Variants in SPPL2A observed in about 807,000 individuals in gnomAD.
The protein encoded by SPPL2A is signal peptide peptidase-like 2A.
Under a neutral mutation model 63.8 loss-of-function variants are expected in SPPL2A, and 51 were observed. The observed-to-expected ratio is 0.80, with a 90% confidence interval of 0.64 to 1.01. The LOEUF is 1.01. Ranked by LOEUF, SPPL2A falls within the 50% of genes least tolerant of loss-of-function variation. The probability of loss-of-function intolerance (pLI) is 0.00; values close to 1 mark genes in which losing one functional copy is unlikely to be tolerated. For missense variants in SPPL2A, 553 were observed against 622.7 expected (o/e 0.89, Z 1.19); for synonymous variants, 188 against 205.8 (o/e 0.91, Z 0.74).
chr15:50,740,660 G>A (rs1336007072), intron 5 of SPPL2A, among the ~76,000 whole-genome samples: 1 of 151,912 alleles, frequency 6.6e-6, no homozygotes, highest in Non-Finnish European at 1.5e-5. Flanking sequence ...GCCGAGGCTG[G>A]AGTGCAGTGG....
intron 1 of SPPL2A, among the ~76,000 whole-genome samples, chr15:50,761,002 T>TTGTG (rs34019001): frequency 1.7e-4 from 25 of 150,226 alleles, no homozygotes; most frequent in South Asian, 4.2e-4. Context: ...ATTTTTTCAT[T>TTGTG]TGTGTGTGTG....
At chr15:50,735,385 CTCTCTT>C (rs1468986347) in intron 8 of SPPL2A, among the ~76,000 whole-genome samples, 1 of 152,036 alleles carries the variant, frequency 6.6e-6, no homozygotes, top group African/African-American at 2.4e-5. Context: ...TGCACTCTCT[CTCTCTT>C]TCTCTCTCTC....
Position 50,706,844 on chromosome 15 carries a change from TCA to T in SPPL2A, c.*954_*955del, listed in dbSNP as rs2062513178. On this transcript the variant is annotated 3_prime_UTR_variant, in exon 15 of 15. Coordinates refer to ENST00000261854, the MANE Select transcript of SPPL2A (RefSeq NM_032802.4). ...CTGTCAAACCAATGAAAACTAGATT[TCA>T]GTGTCTGTCTCCTTTTAGTGACTAG... is the stretch of plus-strand genomic sequence containing the variant. 1 of 151,800 alleles carries T rather than the reference TCA, an allele frequency of 6.6e-6. No homozygotes were observed. Among genetic ancestry groups the T allele is most frequent in the Non-Finnish European group, 1.5e-5 (1 of 67,906 alleles). 9.4% of individuals were successfully genotyped at this position (151,800 alleles called of 1,614,324 possible). A position where few individuals can be genotyped will look rare whatever the true frequency, so the allele number is the denominator to read the frequency against.
chr15:50,710,467 AC>A (rs1409052202), intron 14 of SPPL2A, among the ~76,000 whole-genome samples: 1 of 152,218 alleles, frequency 6.6e-6, no homozygotes, highest in Admixed American at 6.5e-5. Context: ...TCCAATAAAA[AC>A]AATACAGAAA....
intron 10 of SPPL2A, among the ~76,000 whole-genome samples, chr15:50,729,637 C>A (rs11635800): frequency 0.029 from 4,314 of 150,480 alleles, 77 homozygotes; most frequent in Middle Eastern, 0.1. Context: ...GAGGAAAAAA[C>A]CAAAAAAAAG....
intron 1 of SPPL2A, among the ~76,000 whole-genome samples, chr15:50,764,075 A>G (rs1386225226): frequency 6.6e-6 from 1 of 152,200 alleles, no homozygotes; most frequent in Non-Finnish European, 1.5e-5. Flanking sequence ...AAGAATTTCA[A>G]TGTGAGTTTA....
chr15:50,712,683 T>A (rs1408411828), intron 14 of SPPL2A, among the ~76,000 whole-genome samples: 1 of 123,298 alleles, frequency 8.1e-6, no homozygotes, highest in Non-Finnish European at 1.7e-5. Flanking sequence ...CCCCCCCTTT[T>A]TTTTTTTTTT....
Position 50,703,398 on chromosome 15 carries a change from T to C in SPPL2A, c.*4402A>G, listed in dbSNP as rs2062490967. The C allele has an allele frequency of 7.5e-6, 1 of 133,652 alleles. No homozygotes were observed. The highest frequency in any genetic ancestry group is 2.5e-4 in the South Asian group (1 of 3,926). 8.3% of individuals were successfully genotyped at this position (133,652 alleles called of 1,614,324 possible). A position where few individuals can be genotyped will look rare whatever the true frequency, so the allele number is the denominator to read the frequency against. ...TTTTTTTTGAGATGGAGTCTCGCTC[T>C]GTCGCCCAGGCTGGAGTGCAGTGGT... On this transcript the variant is annotated 3_prime_UTR_variant, in exon 15 of 15. Coordinates refer to ENST00000261854, the MANE Select transcript of SPPL2A (RefSeq NM_032802.4).
intron 14 of SPPL2A, among the ~76,000 whole-genome samples, chr15:50,713,516 C>T (rs2062576489): frequency 6.6e-6 from 1 of 151,862 alleles, no homozygotes; most frequent in Non-Finnish European, 1.5e-5. Flanking sequence ...CCACCCACCT[C>T]AGCCTCCCAA....
At position 50,725,246 on chromosome 15, in the gene SPPL2A, CA is replaced by C. The variant is rs2062676586; in HGVS notation, c.1223del (p.Leu408TrpfsTer12). ...CTGGTACAATAATGTCTCCAAAACCCAATATTGAAACAGGCATGAGGCACAC... is the reference window on the plus strand; with the variant it reads ...CTGGTACAATAATGTCTCCAAAACCCATATTGAAACAGGCATGAGGCACAC... ...MSVCLMPVSI[L>X]GFGDIIVPGL... On this transcript the variant is annotated frameshift_variant, in exon 12 of 15. Transcript: ENST00000261854. LOFTEE classifies it high-confidence loss of function. 6.3e-7 allele frequency: 1 copy of C among 1,599,590 alleles called. No individual in the cohort carries two copies. Among genetic ancestry groups the C allele is most frequent in the African/African-American group, 1.3e-5 (1 of 74,094 alleles).
chr15:50,738,715 C>G lies in SPPL2A; in HGVS notation c.733+965G>C, dbSNP rs543660740. On this transcript the variant is annotated intron_variant, in intron 6 of 14. Coordinates refer to ENST00000261854, the MANE Select transcript of SPPL2A (RefSeq NM_032802.4). ...CTCCTTTTACCCTGGTCTCCCTTCTCTTTGTGCTGTATACTGTCCAGGGAT... is the reference window on the plus strand; with the variant it reads ...CTCCTTTTACCCTGGTCTCCCTTCTGTTTGTGCTGTATACTGTCCAGGGAT... 3.2e-4 allele frequency among the ~76,000 whole-genome samples: 48 copies of G among 152,206 alleles called. 1 individual carries two copies. The South Asian group carries it at 1.0e-2, about 32-fold the overall frequency.
chr15:50,749,577 T>C lies in SPPL2A; in HGVS notation c.177+59A>G, dbSNP rs2414067. The C allele has an allele frequency of 7.0e-3, 8,045 of 1,141,426 alleles. 258 individuals carry two copies. In the African/African-American group the frequency reaches 0.076, roughly 11 times the overall value. 70.7% of individuals were successfully genotyped at this position (1,141,426 alleles called of 1,614,324 possible). On this transcript the variant is annotated intron_variant, in intron 2 of 14. Coordinates refer to ENST00000261854, the MANE Select transcript of SPPL2A (RefSeq NM_032802.4). ...CTGGGATTACAGGCATGAGCCACCG[T>C]GCCCAGCCTCCTTCTTCACTATTTT...
intron 10 of SPPL2A, 21 bp from the exon 11 acceptor site, chr15:50,726,398 A>T: frequency 6.2e-7 from 1 of 1,608,668 alleles, no homozygotes; most frequent in Non-Finnish European, 8.5e-7. Context: ...GAAGGAAAAG[A>T]AGTTGTCTAA....
At chr15:50,749,362 A>G (rs2062886969) in intron 2 of SPPL2A, among the ~76,000 whole-genome samples, 1 of 151,900 alleles carries the variant, frequency 6.6e-6, no homozygotes. Flanking sequence ...ATCTCAGCTC[A>G]CTGCAAGCTC....
intron 1 of SPPL2A, among the ~76,000 whole-genome samples, chr15:50,762,779 C>T (rs1463360189): frequency 6.7e-6 from 1 of 148,760 alleles, no homozygotes; most frequent in Non-Finnish European, 1.5e-5. Context: ...GTCACACAGG[C>T]TGGAGTGCAG....
chr15:50,753,484 A>G (rs974626500), intron 1 of SPPL2A, among the ~76,000 whole-genome samples: 1 of 152,250 alleles, frequency 6.6e-6, no homozygotes, highest in African/African-American at 2.4e-5. Context: ...AAATGATAGT[A>G]CAAGGATACA....
In SPPL2A at chr15:50,703,354, A is replaced by ATTTTT. The variant is rs1393595683; in HGVS notation, c.*4445_*4446insAAAAA. 7.7e-3 allele frequency: 507 copies of ATTTTT among 65,592 alleles called. 13 individuals are homozygous for ATTTTT. Among genetic ancestry groups the ATTTTT allele is most frequent in the East Asian group, 0.021 (36 of 1,676 alleles). 4.1% of individuals were successfully genotyped at this position (65,592 alleles called of 1,614,324 possible). Reference sequence around the variant, plus strand: ...TATATATATATATATATACATATATATATTTTTTTTTTTTTTTTTTTTTTT... The same window carrying ATTTTT: ...TATATATATATATATATACATATATATTTTTTATTTTTTTTTTTTTTTTTTTTTTT... On this transcript the variant is annotated 3_prime_UTR_variant, in exon 15 of 15. Transcript: ENST00000261854.
chr15:50,702,314 T>G lies in SPPL2A; in HGVS notation c.*5486A>C, dbSNP rs1198076449. On this transcript the variant is annotated 3_prime_UTR_variant, in exon 15 of 15. Transcript: ENST00000261854. ...TGAATACCATAGTATATTAAATACA[T>G]AAAAAATTGTTTTTCTTGTCAGTAT... The G allele has an allele frequency of 2.6e-5, 4 of 152,178 alleles. No individual in the cohort carries two copies. The highest frequency in any genetic ancestry group is 9.6e-5 in the African/African-American group (4 of 41,452). The allele number at this position is 152,178 out of a possible 1,614,324, so 9.4% of individuals were successfully genotyped here.
intron 13 of SPPL2A, 102 bp from the exon 14 acceptor site, chr15:50,720,202 AT>A: frequency 1.1e-6 from 1 of 882,396 alleles, no homozygotes. Flanking sequence ...TTCTGAGGAT[AT>A]TTTTGCTCTA....
Sources: gnomAD v4.1 joint callset for allele counts (sites outside exome capture counted in the v4.1 genomes callset) on GRCh38, gnomAD v4.1.1 for gene constraint, MANE v1.5 for transcripts, NCBI Gene and HGNC (gene_info 2026-07-23, HGNC 2026-07-21) for gene names.